ATP7B: variants seen among roughly 807,000 people sequenced by gnomAD.
ATP7B encodes the protein copper-transporting ATPase 2.
A neutral mutation model predicts 118.9 loss-of-function variants in ATP7B; 113 were observed. The observed-to-expected ratio is 0.95, with a 90% CI of 0.82 to 1.11. The LOEUF (loss-of-function observed/expected upper bound fraction) is 1.11. Ranked by LOEUF, ATP7B falls within the 50% of genes most tolerant of loss-of-function variation. The pLI is 0.00. For missense variants in ATP7B, 1,867 were observed against 1,871.4 expected, an observed-to-expected ratio of 1.00 and a Z score of 0.04; for synonymous variants, 777 against 727.4, an observed-to-expected ratio of 1.07 and a Z score of -1.10.
chr13:51,955,584 C>T (rs1958286096), intron 9 of ATP7B, among the ~76,000 whole-genome samples: 1 of 152,174 alleles, frequency 6.6e-6, no homozygotes, highest in Non-Finnish European at 1.5e-5. Context: ...CGGCAGATGC[C>T]TTCTCCTCCT....
chr13:52,001,793 C>T (rs944601881), intron 1 of ATP7B, among the ~76,000 whole-genome samples: 1 of 124,434 alleles, frequency 8.0e-6, no homozygotes, highest in Non-Finnish European at 2.0e-5. Flanking sequence ...AGGAATCCTT[C>T]ACATTTTTTT....
chr13:51,935,465 G>T, intron 20 of ATP7B, 128 bp downstream of exon 20: 1 of 1,034,730 alleles, frequency 9.7e-7, no homozygotes, highest in East Asian at 2.6e-5. Context: ...CTCCATGTGG[G>T]CTGCCACTGC....
At position 51,964,935 on chromosome 13, in the gene ATP7B, G is replaced by A. The variant is rs1248896145; in HGVS notation, c.1806C>T (p.Ser602=). The A allele has an allele frequency of 1.2e-6, 2 of 1,614,026 alleles. No homozygotes were observed. The highest frequency in any genetic ancestry group is 2.7e-5 in the African/African-American group (2 of 74,912). ...ITYASVALAT[S]KALVKFDPEI... The stretch of plus-strand genomic sequence containing the variant: ...CCGGGTCAAACTTAACAAGGGCTTT[G>A]CTGGTGGCAAGGGCAACGGAGGCAT... Residue 602 remains serine, a synonymous_variant, in exon 5 of 21, where the codon AGC becomes AGT. Transcript: ENST00000242839.
rs747584649 is a variant in ATP7B, at chr13:51,946,315, T to C, written c.3029A>G (p.Lys1010Arg). Reference sequence around the variant, plus strand: ...CGCCATCTCCAGGGGCTTGCCTCCCTTGATGAGGATGCCGTTCTGCGCGGC... The same window carrying C: ...CGCCATCTCCAGGGGCTTGCCTCCCCTGATGAGGATGCCGTTCTGCGCGGC... ...GVAAQNGILI[K>R]GGKPLEMAHK... is the part of the protein sequence containing the mutation. The change falls in exon 13 of 21, where the codon AAG becomes AGG. Residue 1010 changes from lysine to arginine, a missense_variant. By Grantham distance (26) the Lys-to-Arg change is conservative (BLOSUM62 2). Coordinates refer to ENST00000242839, the MANE Select transcript of ATP7B (RefSeq NM_000053.4). 4 of 1,601,258 alleles carry C rather than the reference T, an allele frequency of 2.5e-6. No homozygotes were observed. The highest frequency in any genetic ancestry group is 2.2e-5 in the South Asian group (2 of 89,400).
At chr13:51,995,366 C>A in intron 1 of ATP7B, 1 of 985,116 alleles carries the variant, frequency 1.0e-6, no homozygotes, top group Non-Finnish European at 1.2e-6. Context: ...TGGAAATTCT[C>A]CTTCCTCTGA....
At chr13:51,963,094 A>C (rs1378574764) in intron 5 of ATP7B, among the ~76,000 whole-genome samples, 1 of 149,460 alleles carries the variant, frequency 6.7e-6, no homozygotes, top group East Asian at 2.0e-4. Flanking sequence ...CACCAACTCA[A>C]AAAAAAAAAG....
At chr13:51,943,778 T>C (rs1957479751) in intron 14 of ATP7B, among the ~76,000 whole-genome samples, 1 of 152,056 alleles carries the variant, frequency 6.6e-6, no homozygotes, top group African/African-American at 2.4e-5. Context: ...CTAAGCACTG[T>C]CAAAGCACTG....
rs563152078 is a variant in ATP7B at position 51,974,136 on chromosome 13, G to C, written c.1084C>G (p.Leu362Val). The C allele has an allele frequency of 6.2e-7, 1 of 1,614,076 alleles. No homozygotes were observed. The highest frequency in any genetic ancestry group is 1.3e-5 in the African/African-American group (1 of 74,988). The change falls in exon 2 of 21, where the codon CTG (leucine) becomes GTG (valine). Residue 362 changes from leucine to valine, a missense_variant. Physicochemically the swap from Leu to Val is conservative, Grantham distance 32. Coordinates refer to ENST00000242839, the MANE Select transcript of ATP7B (RefSeq NM_000053.4). ...CAGGTCATGCCGGCAATGGCAATCAGAGTGGTACTGCATGTGCCCTGGACC... is the reference window on the plus strand; with the variant it reads ...CAGGTCATGCCGGCAATGGCAATCACAGTGGTACTGCATGTGCCCTGGACC... Reference protein sequence around the residue: ...NQVQGTCSTTLIAIAGMTCAS... With the variant: ...NQVQGTCSTTVIAIAGMTCAS...
At chr13:51,983,778 G>A (rs1952529878) in intron 1 of ATP7B, among the ~76,000 whole-genome samples, 1 of 152,190 alleles carries the variant, frequency 6.6e-6, no homozygotes. Flanking sequence ...AGGGTCTGGA[G>A]TGGACCTCCA....
chr13:51,942,956 C>G (rs1476241868), intron 14 of ATP7B, among the ~76,000 whole-genome samples: 1 of 152,140 alleles, frequency 6.6e-6, no homozygotes, highest in Admixed American at 6.5e-5. Flanking sequence ...CAAATAATTT[C>G]ATTAAAAACA....
At chr13:51,946,545 C>T in intron 12 of ATP7B, 67 bp from the exon 13 acceptor site, 1 of 1,568,398 alleles carries the variant, frequency 6.4e-7, no homozygotes, top group East Asian at 2.2e-5. Flanking sequence ...ACTCTAATCA[C>T]ATAAGGACAT....
intron 1 of ATP7B, among the ~76,000 whole-genome samples, chr13:51,996,120 A>G (rs1215699575): frequency 1.3e-5 from 2 of 152,162 alleles, no homozygotes; most frequent in Non-Finnish European, 2.9e-5. Flanking sequence ...CCTAGGCAAC[A>G]TGACTTGTAT....
At chr13:51,945,795 G>A (rs964143609) in intron 13 of ATP7B, among the ~76,000 whole-genome samples, 2 of 152,212 alleles carry the variant, frequency 1.3e-5, no homozygotes, top group Non-Finnish European at 2.9e-5. Context: ...ATAGGTGAAA[G>A]TGTGGAAGGC....
intron 13 of ATP7B, among the ~76,000 whole-genome samples, chr13:51,945,104 C>T (rs1262720895): frequency 1.3e-5 from 2 of 152,122 alleles, no homozygotes; most frequent in Middle Eastern, 3.2e-3. Context: ...ACACTTAACT[C>T]ATCTTCCTCC....
intron 1 of ATP7B, among the ~76,000 whole-genome samples, chr13:51,987,070 G>A (rs930288476): frequency 1.3e-5 from 2 of 152,156 alleles, no homozygotes; most frequent in African/African-American, 2.4e-5. Context: ...TCTGGCCAGG[G>A]CAATCAGGCA....
chr13:52,003,735 C>T (rs772831244), intron 1 of ATP7B, among the ~76,000 whole-genome samples: 3 of 152,194 alleles, frequency 2.0e-5, no homozygotes, highest in African/African-American at 7.2e-5. Flanking sequence ...GCGGGGCTTG[C>T]GGCCACAGGA....
At position 51,933,537 on chromosome 13, in the gene ATP7B, C is replaced by T. The variant is rs764287867; in HGVS notation, c.*1219G>A. 1.3e-5 allele frequency: 2 copies of T among 152,248 alleles called. No homozygotes were observed. The highest frequency in any genetic ancestry group is 2.4e-5 in the African/African-American group (1 of 41,470). The allele number at this position is 152,248 out of a possible 1,614,324, so 9.4% of individuals were successfully genotyped here. On this transcript the variant is annotated 3_prime_UTR_variant, in exon 21 of 21. Coordinates refer to ENST00000242839, the MANE Select transcript of ATP7B (RefSeq NM_000053.4). ...TGTCAATCACAACCAACTTCAGAGT[C>T]TAAAACTGAACCCGTTCTGCTGCTC...
chr13:51,956,535 A>G (rs1489018401), intron 9 of ATP7B, among the ~76,000 whole-genome samples: 1 of 152,146 alleles, frequency 6.6e-6, no homozygotes, highest in African/African-American at 2.4e-5. Context: ...GAGGCATTGG[A>G]GGAGACGCCT....
At position 51,944,282 on chromosome 13, in the gene ATP7B, C is replaced by G. The variant is rs749817527; in HGVS notation, c.3070G>C (p.Val1024Leu). The G allele has an allele frequency of 6.8e-6, 11 of 1,613,866 alleles. 1 individual carries two copies. Among genetic ancestry groups the G allele is most frequent in the Non-Finnish European group, 9.3e-6 (11 of 1,180,030 alleles). Reference protein sequence around the residue: ...PLEMAHKIKTVMFDKTGTITH... With the variant: ...PLEMAHKIKTLMFDKTGTITH... ...ATGGTGCCAGTCTTGTCAAACATCA[C>G]AGTCTTTATCTGCCAAAAACAACCA... The change falls in exon 14 of 21, where the codon GTG becomes CTG. Residue 1024 changes from valine (V) to leucine (L), a missense_variant. Val to Leu is a conservative substitution (Grantham distance 32, BLOSUM62 1). Coordinates refer to ENST00000242839, the MANE Select transcript of ATP7B (RefSeq NM_000053.4).
Sources: gnomAD v4.1 joint callset for allele counts (sites outside exome capture counted in the v4.1 genomes callset) on GRCh38, gnomAD v4.1.1 for gene constraint, MANE v1.5 for transcripts, NCBI Gene and HGNC (gene_info 2026-07-23, HGNC 2026-07-21) for gene names.